GPC5: variants seen among roughly 807,000 people sequenced by gnomAD.
GPC5 encodes the protein glypican-5.
In GPC5, 47 loss-of-function variants were observed where a neutral mutation model predicts 53.9. The ratio of observed to expected loss-of-function variants is 0.87; its 90% CI spans 0.69 to 1.11. The LOEUF (loss-of-function observed/expected upper bound fraction) is 1.11, where lower values mean the gene tolerates loss of function less well. Among genes scored for constraint, GPC5 ranks in the 50% most tolerant of loss-of-function variants. GPC5 has a pLI of 0.00. For synonymous variants in GPC5, 286 were observed against 263.3 expected (o/e 1.09, Z -0.84); for missense variants, 748 against 713.1 (o/e 1.05, Z -0.56).
intron 6 of GPC5, among the ~76,000 whole-genome samples, chr13:92,030,213 C>A (rs2138804571): frequency 1.3e-5 from 2 of 152,254 alleles, no homozygotes; most frequent in East Asian, 3.9e-4. Context: ...AACTTTCTGA[C>A]TCTCTGTCCA....
At chr13:92,446,734 A>G (rs1877843905) in intron 7 of GPC5, 1 of 152,122 alleles carries the variant, frequency 6.6e-6, no homozygotes, top group South Asian at 2.1e-4. Flanking sequence ...TGGTACTAAT[A>G]TACATTCCCA....
At chr13:91,918,910 T>C (rs1468383418) in intron 6 of GPC5, among the ~76,000 whole-genome samples, 2 of 152,142 alleles carry the variant, frequency 1.3e-5, no homozygotes, top group Non-Finnish European at 2.9e-5. Flanking sequence ...CCCTCTCTCA[T>C]GGCTTCACGG....
chr13:91,474,085 G>A (rs1299859179), intron 2 of GPC5, among the ~76,000 whole-genome samples: 1 of 152,168 alleles, frequency 6.6e-6, no homozygotes, highest in Non-Finnish European at 1.5e-5. Flanking sequence ...CTTTGCTTAT[G>A]TAGTATTGCT....
chr13:92,840,485 A>G (rs1422477295), intron 7 of GPC5, among the ~76,000 whole-genome samples: 2 of 152,176 alleles, frequency 1.3e-5, no homozygotes, highest in South Asian at 2.1e-4. Context: ...TACCAGGACT[A>G]CACTGTTTAG....
chr13:92,614,028 G>C (rs1241770710), intron 7 of GPC5, among the ~76,000 whole-genome samples: 2 of 152,032 alleles, frequency 1.3e-5, no homozygotes, highest in African/African-American at 2.4e-5. Context: ...AAAATTATCA[G>C]CTTATGAAGG....
Position 91,788,896 on chromosome 13 carries a change from T to C in GPC5, c.1280+32476T>C, listed in dbSNP as rs1478007586. ...TTTTAGATATTAATGGCTTTTATTC[T>C]ATGATACAGTGCAGCATATTGAAAT... On this transcript the variant is annotated intron_variant, in intron 5 of 7. Transcript: ENST00000377067. 2.0e-5 allele frequency among the ~76,000 whole-genome samples: 3 copies of C among 152,326 alleles called. No homozygotes were observed. The East Asian group carries it at 5.8e-4, about 29-fold the overall frequency.
intron 5 of GPC5, among the ~76,000 whole-genome samples, chr13:91,815,066 A>G (rs1046433510): frequency 6.6e-6 from 1 of 152,092 alleles, no homozygotes; most frequent in Non-Finnish European, 1.5e-5. Context: ...GAAAGCTACT[A>G]CCTTCATTAA....
chr13:92,086,887 G>A (rs1178518190), intron 6 of GPC5, among the ~76,000 whole-genome samples: 2 of 152,128 alleles, frequency 1.3e-5, no homozygotes, highest in African/African-American at 4.8e-5. Flanking sequence ...TTGAACTCCT[G>A]ACCTCAGGTG....
chr13:92,777,889 C>A (rs1342118951), intron 7 of GPC5, among the ~76,000 whole-genome samples: 1 of 152,154 alleles, frequency 6.6e-6, no homozygotes, highest in Non-Finnish European at 1.5e-5. Context: ...CTAGCACTTA[C>A]CACAATGCTT....
intron 7 of GPC5, among the ~76,000 whole-genome samples, chr13:92,679,108 T>C (rs1887038947): frequency 6.6e-6 from 1 of 152,196 alleles, no homozygotes; most frequent in African/African-American, 2.4e-5. Flanking sequence ...GAGATTTGAA[T>C]GCATAGAAAA....
intron 7 of GPC5, among the ~76,000 whole-genome samples, chr13:92,180,392 A>G (rs1268898126): frequency 6.6e-6 from 1 of 152,240 alleles, no homozygotes; most frequent in Non-Finnish European, 1.5e-5. Flanking sequence ...ACAACAATTT[A>G]AGCTGGATTT....
chr13:91,822,350 T>C (rs1047079720), intron 5 of GPC5, among the ~76,000 whole-genome samples: 6 of 152,192 alleles, frequency 3.9e-5, no homozygotes, highest in Non-Finnish European at 7.4e-5. Context: ...GGATGGACTT[T>C]CATTTGCTGC....
intron 5 of GPC5, among the ~76,000 whole-genome samples, chr13:91,839,068 C>T (rs948249718): frequency 3.3e-5 from 5 of 152,124 alleles, no homozygotes; most frequent in African/African-American, 1.2e-4. Flanking sequence ...ATGTAGTAGT[C>T]ATTCCAGTGA....
At chr13:92,729,455 T>C (rs191692801) in intron 7 of GPC5, among the ~76,000 whole-genome samples, 7 of 151,584 alleles carry the variant, frequency 4.6e-5, no homozygotes, top group Admixed American at 1.3e-4. Context: ...TGAAATGATA[T>C]TTGAATATAT....
At chr13:91,840,985 AAAT>A (rs141105012) in intron 5 of GPC5, among the ~76,000 whole-genome samples, 4,150 of 152,150 alleles carry the variant, frequency 0.027, 194 homozygotes, top group African/African-American at 0.094. Flanking sequence ...AGAAAAAATG[AAAT>A]AATAATACTT....
At chr13:92,706,880 G>A (rs1052124857) in intron 7 of GPC5, among the ~76,000 whole-genome samples, 1 of 152,170 alleles carries the variant, frequency 6.6e-6, no homozygotes, top group Non-Finnish European at 1.5e-5. Context: ...TTTCTTAGAG[G>A]TGGAGCCCTT....
At chr13:92,724,875 T>TACACACACACACACACACACACAC (rs58824655) in intron 7 of GPC5, among the ~76,000 whole-genome samples, 1 of 137,668 alleles carries the variant, frequency 7.3e-6, no homozygotes, top group Non-Finnish European at 1.6e-5. Context: ...GTCCTACACA[T>TACACACACACACACACACACACAC]ACACACACAC....
chr13:92,273,578 C>T (rs926522764), intron 7 of GPC5, among the ~76,000 whole-genome samples: 1 of 151,936 alleles, frequency 6.6e-6, no homozygotes, highest in East Asian at 1.9e-4. Flanking sequence ...ATGTGATACT[C>T]TTACCAAAAC....
At chr13:92,715,738 A>G (rs1888307862) in intron 7 of GPC5, among the ~76,000 whole-genome samples, 1 of 152,194 alleles carries the variant, frequency 6.6e-6, no homozygotes, top group Non-Finnish European at 1.5e-5. Flanking sequence ...ATATCCTGAA[A>G]CAGAGAAGAT....
Sources: gnomAD v4.1 joint callset for allele counts (sites outside exome capture counted in the v4.1 genomes callset) on GRCh38, gnomAD v4.1.1 for gene constraint, MANE v1.5 for transcripts, NCBI Gene and HGNC (gene_info 2026-07-23, HGNC 2026-07-21) for gene names.